Variants in MRPL30 observed in about 807,000 individuals in gnomAD.
The protein encoded by MRPL30 is large ribosomal subunit protein uL30m.
Under a neutral mutation model 17.2 loss-of-function variants are expected in MRPL30, and 10 were observed. The ratio of observed to expected loss-of-function variants is 0.58; its 90% confidence interval spans 0.36 to 0.99. The LOEUF is 0.99. Ranked by LOEUF, MRPL30 falls within the 50% of genes least tolerant of loss-of-function variation. The pLI, the probability that MRPL30 is intolerant of heterozygous loss-of-function variation, is 0.01. For synonymous variants in MRPL30, 61 were observed against 62.1 expected (o/e 0.98, Z 0.08); for missense variants, 170 against 189.8 (o/e 0.90, Z 0.61).
At chr2:99,188,957 TC>T (rs746606489) in intron 3 of MRPL30, among the ~76,000 whole-genome samples, 2 of 152,250 alleles carry the variant, frequency 1.3e-5, no homozygotes, top group Non-Finnish European at 2.9e-5. Flanking sequence ...CGCCTTGGCC[TC>T]CCAAAGTGCT....
chr2:99,187,823 G>A (rs1480497925), intron 2 of MRPL30, among the ~76,000 whole-genome samples: 3 of 150,452 alleles, frequency 2.0e-5, no homozygotes. Flanking sequence ...GCGAGACTCC[G>A]TCTCAAAAAA....
rs1319388447 is a variant in MRPL30, at chr2:99,198,215, A to G, written c.*2510A>G. ...TAGCTGCTTAAAACAACACACACTT[A>G]TTGTCTCACAATGTTTGTGGGTCGG... On this transcript the variant is annotated 3_prime_UTR_variant, in exon 6 of 6. Transcript: ENST00000338148. Among the ~76,000 whole-genome samples, 2 of 152,222 alleles carry G rather than the reference A, an allele frequency of 1.3e-5. No individual in the cohort carries two copies. Among genetic ancestry groups the G allele is most frequent in the African/African-American group, 4.8e-5 (2 of 41,458 alleles).
intron 3 of MRPL30, among the ~76,000 whole-genome samples, chr2:99,189,259 G>C (rs2093939852): frequency 6.6e-6 from 1 of 152,184 alleles, no homozygotes; most frequent in African/African-American, 2.4e-5. Context: ...ATACAGAATA[G>C]TTTCACTGCC....
rs903689258 is a variant in MRPL30, at chr2:99,197,787, C to A, written c.*2082C>A. ...TCCTGAGCAGCTAGGACTACAGATACATGCCACCGCTCCCGGCTAGTATTT... is the reference window on the plus strand; with the variant it reads ...TCCTGAGCAGCTAGGACTACAGATAAATGCCACCGCTCCCGGCTAGTATTT... On this transcript the variant is annotated 3_prime_UTR_variant, in exon 6 of 6. Coordinates refer to ENST00000338148, the MANE Select transcript of MRPL30 (RefSeq NM_145212.4). Among the ~76,000 whole-genome samples, 4 of 151,650 alleles carry A rather than the reference C, an allele frequency of 2.6e-5. No homozygotes were observed. The highest frequency in any genetic ancestry group is 1.5e-5 in the Non-Finnish European group (1 of 67,960).
chr2:99,187,004 G>T (rs115882778), intron 2 of MRPL30: 1 of 152,242 alleles, frequency 6.6e-6, no homozygotes, highest in African/African-American at 2.4e-5. Context: ...GCTCCTGGCT[G>T]CAGAGGACAA....
chr2:99,195,190 G>A lies in MRPL30; in HGVS notation c.353+1G>A. 4 of 1,600,874 alleles carry A rather than the reference G, an allele frequency of 2.5e-6. No homozygotes were observed. Among genetic ancestry groups the A allele is most frequent in the Non-Finnish European group, 3.4e-6 (4 of 1,172,326 alleles). Reference sequence around the variant, plus strand: ...TGAAAGTAGTTAAGCATTTGATAAGGTTTGTTGTTTCTTCTCAGCTCTTTT... The same window carrying A: ...TGAAAGTAGTTAAGCATTTGATAAGATTTGTTGTTTCTTCTCAGCTCTTTT... On this transcript the variant is annotated splice_donor_variant, in intron 5 of 5. Transcript: ENST00000338148. LOFTEE classifies it high-confidence loss of function.
chr2:99,186,217 T>C lies in MRPL30; in HGVS notation c.14T>C (p.Leu5Ser). The change falls in exon 2 of 6, where the codon TTG becomes TCG. Residue 5 changes from leucine to serine, a missense_variant. Physicochemically the swap from Leu to Ser is moderately radical, Grantham distance 145. Transcript: ENST00000338148. ...ATCACTACACTTATGGCTGGGATTT[T>C]GCGCTTAGTAGTTCAATGGCCCCCA... MAGI[L>S]RLVVQWPPGR... The C allele has an allele frequency of 5.0e-6, 8 of 1,614,162 alleles. No homozygotes were observed. Among genetic ancestry groups the C allele is most frequent in the African/African-American group, 1.3e-5 (1 of 75,066 alleles).
In MRPL30 at chr2:99,181,195, T is replaced by C. The variant is rs2093919246; in HGVS notation, c.-82T>C. 1.7e-6 allele frequency: 1 copy of C among 592,690 alleles called. No individual in the cohort carries two copies. The highest frequency in any genetic ancestry group is 2.5e-5 in the South Asian group (1 of 40,696). The allele number at this position is 592,690 out of a possible 1,614,324, so 36.7% of individuals were successfully genotyped here. A position where few individuals can be genotyped will look rare whatever the true frequency, so the allele number is the denominator to read the frequency against. Reference sequence around the variant, plus strand: ...GAGTGTAGCACTTGGTAGTTCTTCCTCTGCTCTGCTTCCCTTCGGAGGAAA... The same window carrying C: ...GAGTGTAGCACTTGGTAGTTCTTCCCCTGCTCTGCTTCCCTTCGGAGGAAA... On this transcript the variant is annotated 5_prime_UTR_variant, in exon 1 of 6. Transcript: ENST00000338148.
chr2:99,189,229 G>A (rs1007884999), intron 3 of MRPL30, among the ~76,000 whole-genome samples: 5 of 152,162 alleles, frequency 3.3e-5, no homozygotes, highest in African/African-American at 1.2e-4. Context: ...ATAATGTCAT[G>A]TATCCACTAT....
intron 5 of MRPL30, 145 bp downstream of exon 5, chr2:99,195,334 T>G (rs1574847821): frequency 2.4e-6 from 2 of 827,258 alleles, no homozygotes; most frequent in South Asian, 2.0e-5. Flanking sequence ...CACATAATAA[T>G]TGTACATATT....
At chr2:99,191,297 G>A (rs765702647) in intron 3 of MRPL30, among the ~76,000 whole-genome samples, 15 of 152,022 alleles carry the variant, frequency 9.9e-5, no homozygotes, top group East Asian at 5.8e-4. Context: ...GAGCAACCAC[G>A]CCTGGCCCCT....
chr2:99,188,438 G>C (rs558285377), intron 3 of MRPL30, among the ~76,000 whole-genome samples, 181 bp downstream of exon 3: 5 of 152,112 alleles, frequency 3.3e-5, no homozygotes, highest in Non-Finnish European at 7.3e-5. Context: ...AAACTGTTCT[G>C]TCACTTGTGT....
chr2:99,192,617 T>C (rs1574846576), intron 3 of MRPL30, among the ~76,000 whole-genome samples: 1 of 152,356 alleles, frequency 6.6e-6, no homozygotes, highest in East Asian at 1.9e-4. Context: ...TACCACATTT[T>C]CTTTATCCAG....
At chr2:99,195,346 A>G (rs923202715) in intron 5 of MRPL30, 157 bp downstream of exon 5, 3 of 779,804 alleles carry the variant, frequency 3.8e-6, no homozygotes, top group South Asian at 2.0e-5. Flanking sequence ...GTACATATTT[A>G]TGGGGTACAT....
In MRPL30 at chr2:99,195,710, C is replaced by A; in HGVS notation, c.*5C>A. The A allele has an allele frequency of 6.2e-7, 1 of 1,609,268 alleles. No homozygotes were observed. The highest frequency in any genetic ancestry group is 8.5e-7 in the Non-Finnish European group (1 of 1,178,790). ...CAGAAAGCACATGAGTCCTAATGCC[C>A]CAGCAGCTTCCGATTGGAAAATGCA... On this transcript the variant is annotated 3_prime_UTR_variant, in exon 6 of 6. Coordinates refer to ENST00000338148, the MANE Select transcript of MRPL30 (RefSeq NM_145212.4).
intron 2 of MRPL30, 46 bp from the exon 3 acceptor site, chr2:99,188,131 C>T: frequency 7.1e-7 from 1 of 1,401,902 alleles, no homozygotes; most frequent in Non-Finnish European, 9.8e-7. Context: ...ATGGATTTCT[C>T]TACTGACAGA....
intron 2 of MRPL30, among the ~76,000 whole-genome samples, chr2:99,186,743 T>A (rs969881168): frequency 2.0e-5 from 3 of 152,230 alleles, no homozygotes; most frequent in Admixed American, 6.5e-5. Context: ...AAAATGGCTG[T>A]CATTGATTCC....
In MRPL30 at chr2:99,198,845, A is replaced by G. The variant is rs2093959103; in HGVS notation, c.*3140A>G. Reference sequence around the variant, plus strand: ...ACATCTGGTGGTGACCGTGGCCACCAAGTCAACCCAAACACTACCTTTAAG... The same window carrying G: ...ACATCTGGTGGTGACCGTGGCCACCGAGTCAACCCAAACACTACCTTTAAG... On this transcript the variant is annotated 3_prime_UTR_variant, in exon 6 of 6. Transcript: ENST00000338148. 6.6e-6 allele frequency among the ~76,000 whole-genome samples: 1 copy of G among 152,070 alleles called. No homozygotes were observed.
chr2:99,187,959 C>T (rs1438497634), intron 2 of MRPL30, among the ~76,000 whole-genome samples: 3 of 152,068 alleles, frequency 2.0e-5, no homozygotes, highest in East Asian at 3.9e-4. Context: ...TTACAGAAAA[C>T]GGTTACCAAT....
Sources: allele counts gnomAD v4.1 joint callset (sites outside exome capture counted in the v4.1 genomes callset), GRCh38; gene constraint gnomAD v4.1.1; transcripts MANE v1.5; gene names NCBI Gene and HGNC (gene_info 2026-07-23, HGNC 2026-07-21).